NOTCH2NLB: variants seen among roughly 807,000 people sequenced by gnomAD.
NOTCH2NLB encodes notch homolog 2 N-terminal-like protein B.
NOTCH2NLB carries 1 observed loss-of-function variant against 14.8 expected under a neutral mutation model. The ratio of observed to expected loss-of-function variants is 0.07; its 90% CI spans 0.02 to 0.32. NOTCH2NLB has a LOEUF of 0.32. NOTCH2NLB is among the 10% of genes least tolerant of loss of function. The pLI, the probability that NOTCH2NLB is intolerant of heterozygous loss-of-function variation, is 1.00. For missense variants in NOTCH2NLB, 11 were observed against 155.0 expected (o/e 0.07, Z 4.93); for synonymous variants, 6 against 57.5 (o/e 0.10, Z 4.05).
intron 2 of NOTCH2NLB, among the ~76,000 whole-genome samples, chr1:148,625,607 C>T (rs1473848565): frequency 1.7e-5 from 2 of 118,772 alleles, no homozygotes; most frequent in Non-Finnish European, 3.4e-5. Flanking sequence ...GCAGAAAATT[C>T]TTTAAACAGA....
the NOTCH2NLB span, among the ~76,000 whole-genome samples, chr1:148,691,848 C>A: frequency 1.0e-5 from 1 of 99,704 alleles, no homozygotes; most frequent in Admixed American, 9.9e-5. Flanking sequence ...AGCCTGACAC[C>A]CCCCCCGCTC....
chr1:148,693,091 C>A, the NOTCH2NLB span, among the ~76,000 whole-genome samples: 21 of 70,812 alleles, frequency 3.0e-4, no homozygotes, highest in South Asian at 8.1e-3. Flanking sequence ...GAGAGCCGCC[C>A]CCCCCCCCCC....
At chr1:148,660,405 G>A (rs1664644543) in intron 1 of NOTCH2NLB, among the ~76,000 whole-genome samples, 1 of 134,660 alleles carries the variant, frequency 7.4e-6, no homozygotes, top group South Asian at 2.5e-4. Context: ...ACCTTCCAAG[G>A]GCAAAAGGGT....
chr1:148,605,006 G>C (rs1412782403), downstream of NOTCH2NLB, among the ~76,000 whole-genome samples: 3 of 141,816 alleles, frequency 2.1e-5, no homozygotes, highest in East Asian at 4.1e-4. Flanking sequence ...TATGTAACAA[G>C]TACTATTTGA....
chr1:148,622,360 A>G (rs1663902563), intron 2 of NOTCH2NLB, among the ~76,000 whole-genome samples: 1 of 100,016 alleles, frequency 1.0e-5, no homozygotes, highest in Non-Finnish European at 2.0e-5. Context: ...ACAGAGCGAG[A>G]CTCCCTCTCA....
chr1:148,609,202 C>T (rs1351187984), intron 3 of NOTCH2NLB, among the ~76,000 whole-genome samples: 2 of 128,464 alleles, frequency 1.6e-5, no homozygotes, highest in Admixed American at 7.7e-5. Flanking sequence ...CCCATTAACT[C>T]GTCATTTACA....
At chr1:148,651,144 GAAAAAA>G (rs1159790526) in intron 1 of NOTCH2NLB, among the ~76,000 whole-genome samples, 271 of 76,300 alleles carry the variant, frequency 3.6e-3, no homozygotes, top group African/African-American at 0.014. Flanking sequence ...CTCTGCCTGA[GAAAAAA>G]AAAAAAAAAA....
intron 3 of NOTCH2NLB, among the ~76,000 whole-genome samples, chr1:148,610,385 A>AAGGG (rs2149600447): frequency 8.0e-6 from 1 of 124,368 alleles, no homozygotes; most frequent in East Asian, 2.1e-4. Flanking sequence ...GAAAGAAAGA[A>AAGGG]AGAAAGAAAG....
intron 2 of NOTCH2NLB, among the ~76,000 whole-genome samples, chr1:148,622,415 T>C (rs1663905334): frequency 1.1e-5 from 1 of 88,658 alleles, no homozygotes; most frequent in Non-Finnish European, 2.1e-5. Flanking sequence ...AGAGGCAGGA[T>C]TCAAACCCAA....
At chr1:148,609,889 C>A (rs1241101515) in intron 3 of NOTCH2NLB, among the ~76,000 whole-genome samples, 1 of 132,662 alleles carries the variant, frequency 7.5e-6, no homozygotes, top group African/African-American at 3.0e-5. Context: ...TTCTTCTTGT[C>A]TTTCCACTCA....
At chr1:148,633,247 T>C (rs1425797228) in intron 2 of NOTCH2NLB, among the ~76,000 whole-genome samples, 1 of 126,110 alleles carries the variant, frequency 7.9e-6, no homozygotes, top group African/African-American at 3.5e-5. Flanking sequence ...TAAGTCTATC[T>C]GGCATAAAAA....
chr1:148,634,256 G>A (rs1168273548), intron 2 of NOTCH2NLB, among the ~76,000 whole-genome samples: 2 of 148,878 alleles, frequency 1.3e-5, no homozygotes. Flanking sequence ...TATACACAAT[G>A]TTCAGCTAAA....
intron 1 of NOTCH2NLB, among the ~76,000 whole-genome samples, chr1:148,670,130 C>A: frequency 2.3e-5 from 2 of 87,512 alleles, no homozygotes; most frequent in Admixed American, 1.1e-4. Flanking sequence ...CATTAGAAAC[C>A]AAAGGATTAA....
intron 2 of NOTCH2NLB, among the ~76,000 whole-genome samples, chr1:148,625,674 A>G (rs1663968565): frequency 8.4e-6 from 1 of 118,488 alleles, no homozygotes; most frequent in Non-Finnish European, 1.7e-5. Context: ...CCCAATCCGC[A>G]GTGGCAGCCT....
chr1:148,610,029 T>G (rs1317176479), intron 3 of NOTCH2NLB, among the ~76,000 whole-genome samples: 1 of 143,568 alleles, frequency 7.0e-6, no homozygotes, highest in East Asian at 2.0e-4. Context: ...GGCTGATGCC[T>G]GTAATCCCAG....
At chr1:148,691,845 C>A in the NOTCH2NLB span, among the ~76,000 whole-genome samples, 1 of 98,092 alleles carries the variant, frequency 1.0e-5, no homozygotes, top group Non-Finnish European at 2.0e-5. Flanking sequence ...AGGAGCCTGA[C>A]ACCCCCCCCG....
intron 2 of NOTCH2NLB, among the ~76,000 whole-genome samples, chr1:148,635,839 GCAGA>G (rs1664194052): frequency 1.4e-4 from 2 of 13,808 alleles, no homozygotes; most frequent in Admixed American, 1.2e-3. Context: ...TTAAGAACCA[GCAGA>G]CAAAGATTTT....
downstream of NOTCH2NLB, among the ~76,000 whole-genome samples, chr1:148,604,948 TATACACACAC>T (rs1433654275): frequency 5.6e-4 from 58 of 103,542 alleles, no homozygotes; most frequent in Admixed American, 1.2e-3. Flanking sequence ...CACAACGCCA[TATACACACAC>T]ACACACACAC....
intron 4 of NOTCH2NLB, 88 bp downstream of exon 4, chr1:148,607,322 C>CTTTTTT (rs1663535278): frequency 2.3e-6 from 1 of 439,724 alleles, no homozygotes; most frequent in Non-Finnish European, 3.9e-6. Flanking sequence ...TTTCCTTGCG[C>CTTTTTT]TTCCTAAAAA....
Sources: allele counts gnomAD v4.1 joint callset (sites outside exome capture counted in the v4.1 genomes callset), GRCh38; gene constraint gnomAD v4.1.1; transcripts MANE v1.5; gene names NCBI Gene and HGNC (gene_info 2026-07-23, HGNC 2026-07-21).